The following GRIN2A variants were observed in gnomAD, a reference collection of about 807,000 sequenced individuals.
GRIN2A encodes glutamate receptor ionotropic, NMDA 2A.
GRIN2A carries 22 observed loss-of-function variants against 113.4 expected under a neutral mutation model. That is an observed-to-expected ratio of 0.19 (90% confidence interval 0.14 to 0.28). GRIN2A has a LOEUF of 0.28. Among genes scored for constraint, GRIN2A ranks in the 10% least tolerant of loss-of-function variants. GRIN2A has a pLI of 1.00. For synonymous variants in GRIN2A, 827 were observed against 738.4 expected, an observed-to-expected ratio of 1.12 and a Z score of -1.94; for missense variants, 1,502 against 1,887.0, an observed-to-expected ratio of 0.80 and a Z score of 3.78.
intron 2 of GRIN2A, among the ~76,000 whole-genome samples, chr16:10,091,394 T>C (rs72774180): frequency 1.3e-5 from 2 of 151,834 alleles, no homozygotes; most frequent in Non-Finnish European, 2.9e-5. Flanking sequence ...AGCCAGGAGT[T>C]TGAGATCAAC....
chr16:9,999,190 T>C (rs2046279642), intron 2 of GRIN2A, among the ~76,000 whole-genome samples: 1 of 152,186 alleles, frequency 6.6e-6, no homozygotes, highest in Non-Finnish European at 1.5e-5. Flanking sequence ...AGAGAGGTAG[T>C]AGAGTCAGTG....
At chr16:9,858,811 T>C (rs531070404) in intron 4 of GRIN2A, among the ~76,000 whole-genome samples, 1 of 152,310 alleles carries the variant, frequency 6.6e-6, no homozygotes, top group Admixed American at 6.5e-5. Context: ...ACACCTCTTA[T>C]GTCCGGATAA....
At chr16:10,055,225 C>T (rs1439900386) in intron 2 of GRIN2A, among the ~76,000 whole-genome samples, 2 of 151,486 alleles carry the variant, frequency 1.3e-5, no homozygotes, top group African/African-American at 4.9e-5. Context: ...CATTTATCAG[C>T]TTTAGGTTAG....
intron 11 of GRIN2A, among the ~76,000 whole-genome samples, chr16:9,783,042 G>A (rs1480277440): frequency 1.3e-5 from 2 of 152,092 alleles, no homozygotes; most frequent in African/African-American, 4.8e-5. Context: ...ACAGTTTTTG[G>A]GTCATAGGAG....
At chr16:10,138,454 G>C (rs1358574015) in intron 2 of GRIN2A, among the ~76,000 whole-genome samples, 1 of 152,120 alleles carries the variant, frequency 6.6e-6, no homozygotes, top group Non-Finnish European at 1.5e-5. Context: ...GGATGGGGAT[G>C]GGTAGAAAAG....
chr16:10,138,736 T>C (rs752209130), intron 2 of GRIN2A, among the ~76,000 whole-genome samples: 3 of 152,182 alleles, frequency 2.0e-5, no homozygotes, highest in Non-Finnish European at 4.4e-5. Flanking sequence ...CCAGACTTAC[T>C]GTGAGGATTA....
At chr16:9,971,278 T>G (rs1275974641) in intron 2 of GRIN2A, among the ~76,000 whole-genome samples, 1 of 152,216 alleles carries the variant, frequency 6.6e-6, no homozygotes, top group Non-Finnish European at 1.5e-5. Context: ...ATATAACAAT[T>G]TCCCTTGGGT....
At chr16:9,999,995 T>C (rs1425520815) in intron 2 of GRIN2A, among the ~76,000 whole-genome samples, 2 of 152,126 alleles carry the variant, frequency 1.3e-5, no homozygotes, top group Non-Finnish European at 1.5e-5. Flanking sequence ...CCTTTCCAGG[T>C]TCCAGGGAGT....
At chr16:9,779,294 C>T (rs1335270720) in intron 11 of GRIN2A, among the ~76,000 whole-genome samples, 1 of 152,250 alleles carries the variant, frequency 6.6e-6, no homozygotes, top group Non-Finnish European at 1.5e-5. Flanking sequence ...CTCAGTTCTA[C>T]ATGCCAAGAA....
chr16:10,178,339 G>A (rs947082217), intron 2 of GRIN2A, among the ~76,000 whole-genome samples: 1 of 152,138 alleles, frequency 6.6e-6, no homozygotes, highest in African/African-American at 2.4e-5. Flanking sequence ...TAAAGTATGG[G>A]CTTGATTTAG....
At chr16:10,178,837 A>G (rs1229713237) in intron 2 of GRIN2A, among the ~76,000 whole-genome samples, 1 of 152,158 alleles carries the variant, frequency 6.6e-6, no homozygotes, top group African/African-American at 2.4e-5. Context: ...ATGTCTGCTC[A>G]CTCCACTAGA....
intron 2 of GRIN2A, chr16:10,111,846 G>A (rs2048621200): frequency 9.2e-7 from 1 of 1,089,942 alleles, no homozygotes; most frequent in Admixed American, 1.8e-5. Context: ...GCAAGTTGGT[G>A]GGCATCATCT....
chr16:10,146,199 C>A (rs1038096585), intron 2 of GRIN2A, among the ~76,000 whole-genome samples: 7 of 152,088 alleles, frequency 4.6e-5, no homozygotes, highest in African/African-American at 1.7e-4. Context: ...CTCACTGCAA[C>A]CTCCACCTCC....
intron 11 of GRIN2A, among the ~76,000 whole-genome samples, chr16:9,791,573 T>G (rs1433136720): frequency 6.6e-6 from 1 of 152,144 alleles, no homozygotes; most frequent in African/African-American, 2.4e-5. Flanking sequence ...ACTGTCCAGC[T>G]CTACCCCAGA....
At chr16:10,082,463 T>C (rs1362743429) in intron 2 of GRIN2A, among the ~76,000 whole-genome samples, 1 of 152,246 alleles carries the variant, frequency 6.6e-6, no homozygotes, top group African/African-American at 2.4e-5. Flanking sequence ...ACATCGCTTC[T>C]GTGATTATGT....
chr16:9,854,920 G>A (rs2042942453), intron 4 of GRIN2A, among the ~76,000 whole-genome samples: 1 of 152,132 alleles, frequency 6.6e-6, no homozygotes, highest in South Asian at 2.1e-4. Context: ...AGCTTGGAGG[G>A]AAAATGAAGT....
At chr16:10,032,805 T>G (rs1322421877) in intron 2 of GRIN2A, among the ~76,000 whole-genome samples, 1 of 152,238 alleles carries the variant, frequency 6.6e-6, no homozygotes, top group Non-Finnish European at 1.5e-5. Context: ...TCATAGCTTC[T>G]GCCTGACTCC....
chr16:9,861,798 C>G (rs372979936), intron 4 of GRIN2A, among the ~76,000 whole-genome samples: 2 of 152,188 alleles, frequency 1.3e-5, no homozygotes, highest in Non-Finnish European at 2.9e-5. Flanking sequence ...GTCAAACCTG[C>G]TCTGTCTTCA....
At position 10,132,340 on chromosome 16, in the gene GRIN2A, C is replaced by CAAAAAAAAAAAAAAAAAAAAA. The variant is rs71402435; in HGVS notation, c.414+47657_414+47658insTTTTTTTTTTTTTTTTTTTTT. ...GAATGAGCAGAACAAGACACCGTCTCAAAAAAAAAAAAAAAAAAGATGTGA... is the reference window on the plus strand; with the variant it reads ...GAATGAGCAGAACAAGACACCGTCTCAAAAAAAAAAAAAAAAAAAAAAAAAAAAAAAAAAAAAAAGATGTGA... On this transcript the variant is annotated intron_variant, in intron 2 of 12. Transcript: ENST00000330684. Among the ~76,000 whole-genome samples the CAAAAAAAAAAAAAAAAAAAAA allele has an allele frequency of 3.9e-3, 239 of 61,386 alleles. 11 individuals are homozygous for CAAAAAAAAAAAAAAAAAAAAA. Among genetic ancestry groups the CAAAAAAAAAAAAAAAAAAAAA allele is most frequent in the East Asian group, 8.1e-3 (11 of 1,350 alleles). 40.3% of individuals were successfully genotyped at this position (61,386 alleles called of 152,430 possible). A position where few individuals can be genotyped will look rare whatever the true frequency, so the allele number is the denominator to read the frequency against.
Sources: allele counts gnomAD v4.1 joint callset (sites outside exome capture counted in the v4.1 genomes callset), GRCh38; gene constraint gnomAD v4.1.1; transcripts MANE v1.5; gene names NCBI Gene and HGNC (gene_info 2026-07-23, HGNC 2026-07-21).